HPSE2: variants seen among roughly 807,000 people sequenced by gnomAD.
HPSE2 encodes inactive heparanase-2.
HPSE2 carries 38 observed loss-of-function variants against 60.5 expected under a neutral mutation model. That is an observed-to-expected ratio of 0.63 (90% CI 0.48 to 0.82). The LOEUF is 0.82. Ranked by LOEUF, HPSE2 falls within the 40% of genes least tolerant of loss-of-function variation. The probability of loss-of-function intolerance (pLI) is 0.00; values close to 1 mark genes in which losing one functional copy is unlikely to be tolerated. For synonymous variants in HPSE2, 295 were observed against 293.2 expected (o/e 1.01, Z -0.06); for missense variants, 713 against 740.4 (o/e 0.96, Z 0.43).
At chr10:99,004,262 T>G (rs909223180) in intron 3 of HPSE2, among the ~76,000 whole-genome samples, 1 of 152,022 alleles carries the variant, frequency 6.6e-6, no homozygotes, top group South Asian at 2.1e-4. Context: ...TATTAATATG[T>G]AAGGGCTTAT....
At chr10:98,466,328 T>G (rs1348251407) in intron 11 of HPSE2, among the ~76,000 whole-genome samples, 1 of 152,008 alleles carries the variant, frequency 6.6e-6, no homozygotes, top group Admixed American at 6.6e-5. Flanking sequence ...AGAAAATTGG[T>G]TCTGGCCAGG....
chr10:99,139,195 A>C (rs910841801), intron 3 of HPSE2, among the ~76,000 whole-genome samples: 5 of 152,192 alleles, frequency 3.3e-5, no homozygotes, highest in Non-Finnish European at 7.3e-5. Flanking sequence ...TGGAAAACCA[A>C]ATAATGTATA....
chr10:98,851,680 TA>T (rs2134736212), intron 3 of HPSE2, among the ~76,000 whole-genome samples: 1 of 152,300 alleles, frequency 6.6e-6, no homozygotes, highest in South Asian at 2.1e-4. Context: ...AAAATCTAGC[TA>T]GAATGTTGAC....
chr10:99,072,075 T>C (rs1842809719), intron 3 of HPSE2, among the ~76,000 whole-genome samples: 1 of 152,040 alleles, frequency 6.6e-6, no homozygotes, highest in Non-Finnish European at 1.5e-5. Flanking sequence ...TGTGGTTACA[T>C]ATGGATTTAA....
chr10:99,236,513 T>A (rs1849860097), upstream of HPSE2, among the ~76,000 whole-genome samples: 3 of 151,774 alleles, frequency 2.0e-5, no homozygotes, highest in Admixed American at 2.0e-4. Flanking sequence ...TGCAGAGGGG[T>A]CTTGAGGCGG....
chr10:99,170,253 C>A (rs141754052), intron 2 of HPSE2, among the ~76,000 whole-genome samples: 2 of 152,194 alleles, frequency 1.3e-5, no homozygotes, highest in Admixed American at 1.3e-4. Context: ...GCAGAACAAA[C>A]GACACTCTGG....
chr10:98,837,728 GC>G (rs913529376), intron 3 of HPSE2, among the ~76,000 whole-genome samples: 4 of 152,032 alleles, frequency 2.6e-5, no homozygotes, highest in South Asian at 2.1e-4. Flanking sequence ...AAAAAAATTA[GC>G]CGGGCGTGGT....
chr10:98,591,015 T>C (rs1415762917), intron 9 of HPSE2, among the ~76,000 whole-genome samples: 1 of 152,190 alleles, frequency 6.6e-6, no homozygotes, highest in Non-Finnish European at 1.5e-5. Context: ...CAACAAGGGA[T>C]GTAAATTACG....
intron 9 of HPSE2, among the ~76,000 whole-genome samples, chr10:98,500,051 T>C (rs575817543): frequency 6.6e-6 from 1 of 152,202 alleles, no homozygotes; most frequent in Admixed American, 6.5e-5. Flanking sequence ...AGAAATAAGA[T>C]AGACAGCAAC....
chr10:99,202,595 A>C (rs760639694), intron 2 of HPSE2, among the ~76,000 whole-genome samples: 2 of 152,176 alleles, frequency 1.3e-5, no homozygotes, highest in Admixed American at 6.5e-5. Context: ...ATTATGTATC[A>C]ATTTAAAAAT....
At chr10:98,851,544 G>A (rs1243046569) in intron 3 of HPSE2, among the ~76,000 whole-genome samples, 1 of 152,126 alleles carries the variant, frequency 6.6e-6, no homozygotes, top group Non-Finnish European at 1.5e-5. Context: ...CTGTCACATA[G>A]AACAATCCCT....
At chr10:99,118,191 C>A (rs572910255) in intron 3 of HPSE2, among the ~76,000 whole-genome samples, 2 of 152,000 alleles carry the variant, frequency 1.3e-5, no homozygotes, top group African/African-American at 4.8e-5. Context: ...AATTCAACAC[C>A]CCTTCATGTT....
chr10:98,844,307 C>G (rs767986080), intron 3 of HPSE2, among the ~76,000 whole-genome samples: 2 of 152,130 alleles, frequency 1.3e-5, no homozygotes, highest in African/African-American at 2.4e-5. Flanking sequence ...ACTGGCTATG[C>G]GAGGAGTGGT....
chr10:98,861,952 T>TA (rs1952468187), intron 3 of HPSE2, among the ~76,000 whole-genome samples: 1 of 152,176 alleles, frequency 6.6e-6, no homozygotes, highest in South Asian at 2.1e-4. Flanking sequence ...ATAGGCCCTC[T>TA]AGCGTTTGCA....
intron 7 of HPSE2, among the ~76,000 whole-genome samples, chr10:98,635,924 G>T (rs1189263047): frequency 1.3e-5 from 2 of 152,128 alleles, no homozygotes; most frequent in Non-Finnish European, 2.9e-5. Context: ...AATAAGTGAG[G>T]CATAGAAAGA....
intron 2 of HPSE2, among the ~76,000 whole-genome samples, chr10:99,173,348 T>C (rs118005459): frequency 1.1e-3 from 169 of 152,250 alleles, no homozygotes; most frequent in African/African-American, 3.8e-3. Context: ...AAGGTTAATA[T>C]AGAAGTAGGA....
intron 4 of HPSE2, among the ~76,000 whole-genome samples, chr10:98,741,234 G>GT (rs946129136): frequency 1.3e-4 from 20 of 151,642 alleles, no homozygotes; most frequent in Non-Finnish European, 2.4e-4. Flanking sequence ...ACTTTATTGA[G>GT]TTTTTTTTGT....
chr10:98,844,547 A>G (rs1405241351), intron 3 of HPSE2, among the ~76,000 whole-genome samples: 1 of 152,190 alleles, frequency 6.6e-6, no homozygotes, highest in African/African-American at 2.4e-5. Context: ...ATAGAGAAAT[A>G]TTATTGAAAT....
At chr10:98,735,104 C>T (rs540171532) in intron 4 of HPSE2, among the ~76,000 whole-genome samples, 72 of 152,110 alleles carry the variant, frequency 4.7e-4, no homozygotes, top group Non-Finnish European at 7.1e-4. Flanking sequence ...CATTACAGTA[C>T]CATACCTCTT....
Sources: gnomAD v4.1 joint callset for allele counts (sites outside exome capture counted in the v4.1 genomes callset) on GRCh38, gnomAD v4.1.1 for gene constraint, MANE v1.5 for transcripts, NCBI Gene and HGNC (gene_info 2026-07-23, HGNC 2026-07-21) for gene names.